DCC: variants seen among roughly 807,000 people sequenced by gnomAD.
The protein encoded by DCC is DCC netrin 1 receptor.
DCC carries 58 observed loss-of-function variants against 172.5 expected under a neutral mutation model. That is an observed-to-expected ratio of 0.34 (90% CI 0.27 to 0.42). The LOEUF (loss-of-function observed/expected upper bound fraction) is 0.42. Ranked by LOEUF, DCC falls within the 10% of genes least tolerant of loss-of-function variation. The pLI, the probability that DCC is intolerant of heterozygous loss-of-function variation, is 1.00. For missense variants in DCC, 1,740 were observed against 1,791.0 expected (o/e 0.97, Z 0.51); for synonymous variants, 709 against 644.5 (o/e 1.10, Z -1.52).
chr18:52,791,362 C>T (rs180777395), intron 2 of DCC, among the ~76,000 whole-genome samples: 1 of 152,064 alleles, frequency 6.6e-6, no homozygotes, highest in South Asian at 2.1e-4. Flanking sequence ...TGATACCCAT[C>T]TAGAAAGAGA....
chr18:53,504,049 GA>G (rs1483176661), intron 27 of DCC, among the ~76,000 whole-genome samples: 2 of 152,204 alleles, frequency 1.3e-5, no homozygotes, highest in Non-Finnish European at 2.9e-5. Context: ...TGAAGACAAG[GA>G]GGGGGTGGAG....
At chr18:53,341,334 C>G (rs1374688853) in intron 15 of DCC, among the ~76,000 whole-genome samples, 1 of 152,148 alleles carries the variant, frequency 6.6e-6, no homozygotes, top group Admixed American at 6.6e-5. Flanking sequence ...TCTAATGATT[C>G]TCTTCGTTAC....
intron 16 of DCC, among the ~76,000 whole-genome samples, chr18:53,389,852 T>G (rs1365152564): frequency 6.6e-6 from 1 of 152,206 alleles, no homozygotes; most frequent in Non-Finnish European, 1.5e-5. Context: ...AATCACCCTA[T>G]TTCAAAACGT....
intron 1 of DCC, among the ~76,000 whole-genome samples, chr18:52,705,979 G>C (rs1387681811): frequency 6.6e-6 from 1 of 152,052 alleles, no homozygotes; most frequent in Non-Finnish European, 1.5e-5. Flanking sequence ...AGGTCACCTG[G>C]GCAATCTGTG....
chr18:53,261,614 C>G (rs1200401414), intron 12 of DCC, among the ~76,000 whole-genome samples: 1 of 152,082 alleles, frequency 6.6e-6, no homozygotes, highest in Non-Finnish European at 1.5e-5. Context: ...GCTATCACGC[C>G]ATTCTCCTGC....
At chr18:53,127,854 A>G (rs540569696) in intron 7 of DCC, among the ~76,000 whole-genome samples, 19 of 152,268 alleles carry the variant, frequency 1.2e-4, no homozygotes, top group African/African-American at 4.3e-4. Context: ...TTCAACTGGA[A>G]CACCAAACTA....
At chr18:53,504,020 C>T (rs1048152608) in intron 27 of DCC, among the ~76,000 whole-genome samples, 1 of 152,158 alleles carries the variant, frequency 6.6e-6, no homozygotes, top group African/African-American at 2.4e-5. Flanking sequence ...GTGGCATGTG[C>T]TTTAATTTGT....
At chr18:53,309,920 G>GTGTATATATATATATATATATATACA (rs1568046523) in intron 13 of DCC, among the ~76,000 whole-genome samples, 2 of 99,686 alleles carry the variant, frequency 2.0e-5, no homozygotes, top group Non-Finnish European at 3.7e-5. Flanking sequence ...ATATATGTGC[G>GTGTATATATATATATATATATATACA]TGTATATATA....
chr18:52,809,668 G>A (rs56917090), intron 2 of DCC, among the ~76,000 whole-genome samples: 178 of 152,290 alleles, frequency 1.2e-3, no homozygotes, highest in African/African-American at 4.2e-3. Flanking sequence ...AGCAGTGGGG[G>A]ACGGTGAGTA....
chr18:52,986,239 C>T (rs1043078249), intron 5 of DCC, among the ~76,000 whole-genome samples: 5 of 152,140 alleles, frequency 3.3e-5, no homozygotes, highest in African/African-American at 9.7e-5. Flanking sequence ...ACTTAAGTCT[C>T]ATTCCTACCT....
chr18:52,390,728 C>T (rs1411695491), intron 1 of DCC, among the ~76,000 whole-genome samples: 1 of 152,056 alleles, frequency 6.6e-6, no homozygotes, highest in Non-Finnish European at 1.5e-5. Context: ...TCCTGGGCAA[C>T]AGTTTTGTGG....
intron 12 of DCC, among the ~76,000 whole-genome samples, chr18:53,259,902 G>GCTCAT (rs2056573180): frequency 6.6e-6 from 1 of 151,458 alleles, no homozygotes; most frequent in Admixed American, 6.6e-5. Context: ...TGGAGGCTTT[G>GCTCAT]TTCTTTTTCT....
intron 3 of DCC, among the ~76,000 whole-genome samples, chr18:52,921,544 C>A (rs2040125207): frequency 6.6e-6 from 1 of 151,620 alleles, no homozygotes; most frequent in Admixed American, 6.6e-5. Context: ...ACTAAAAATA[C>A]CAAAATGAGC....
intron 16 of DCC, among the ~76,000 whole-genome samples, chr18:53,391,307 A>G (rs1351532146): frequency 6.6e-6 from 1 of 152,216 alleles, no homozygotes; most frequent in Non-Finnish European, 1.5e-5. Context: ...ATATAGTAAT[A>G]AAACTGATCG....
intron 7 of DCC, among the ~76,000 whole-genome samples, chr18:53,100,015 T>C (rs4602107): frequency 0.68 from 99,821 of 145,954 alleles, 35,955 homozygotes; most frequent in African/African-American, 0.9. Flanking sequence ...GGCACAATCT[T>C]AGCTCACTGC....
intron 3 of DCC, among the ~76,000 whole-genome samples, chr18:52,921,834 C>T (rs1276004995): frequency 6.6e-6 from 1 of 151,086 alleles, no homozygotes; most frequent in African/African-American, 2.4e-5. Flanking sequence ...TTAAGTAGAT[C>T]TTGATGTTTT....
chr18:53,187,131 T>C (rs2055294601), intron 9 of DCC, among the ~76,000 whole-genome samples: 1 of 62,628 alleles, frequency 1.6e-5, no homozygotes, highest in African/African-American at 4.9e-5. Flanking sequence ...TTTTTTTTCT[T>C]TTTTTTTTTG....
At chr18:53,393,524 C>T (rs968973342) in intron 17 of DCC, among the ~76,000 whole-genome samples, 65 of 152,066 alleles carry the variant, frequency 4.3e-4, no homozygotes, top group Non-Finnish European at 1.6e-4. Flanking sequence ...CATATGAGAC[C>T]ATTAAAGAAT....
intron 5 of DCC, among the ~76,000 whole-genome samples, chr18:53,040,163 C>A (rs2097574812): frequency 6.6e-6 from 1 of 151,954 alleles, no homozygotes; most frequent in Non-Finnish European, 1.5e-5. Flanking sequence ...GGATAGAATG[C>A]AGAAATTCTT....
Sources: allele counts gnomAD v4.1 joint callset (sites outside exome capture counted in the v4.1 genomes callset), GRCh38; gene constraint gnomAD v4.1.1; transcripts MANE v1.5; gene names NCBI Gene and HGNC (gene_info 2026-07-23, HGNC 2026-07-21).